Variants in THSD7B observed in about 807,000 individuals in gnomAD.
THSD7B encodes thrombospondin type 1 domain containing 7B.
THSD7B carries 138 observed loss-of-function variants against 213.6 expected under a neutral mutation model. The observed-to-expected ratio is 0.65, with a 90% CI of 0.56 to 0.74. THSD7B has a LOEUF of 0.74. Ranked by LOEUF, THSD7B falls within the 30% of genes least tolerant of loss-of-function variation. THSD7B has a pLI of 0.00. For synonymous variants in THSD7B, 742 were observed against 687.0 expected, an observed-to-expected ratio of 1.08 and a Z score of -1.25; for missense variants, 1,931 against 1,991.5, an observed-to-expected ratio of 0.97 and a Z score of 0.58.
At chr2:137,397,528 A>G (rs1686224841) in intron 12 of THSD7B, among the ~76,000 whole-genome samples, 1 of 151,762 alleles carries the variant, frequency 6.6e-6, no homozygotes, top group Admixed American at 6.6e-5. Context: ...TTCTGCCAAG[A>G]GATCCGCTGT....
chr2:137,087,052 A>G (rs1168864698), intron 3 of THSD7B, among the ~76,000 whole-genome samples: 1 of 152,202 alleles, frequency 6.6e-6, no homozygotes, highest in Non-Finnish European at 1.5e-5. Flanking sequence ...ATCCTGGGAT[A>G]TTACTCAATA....
chr2:136,877,689 G>A (rs780465086), intron 1 of THSD7B, among the ~76,000 whole-genome samples: 8 of 151,996 alleles, frequency 5.3e-5, no homozygotes, highest in Non-Finnish European at 7.4e-5. Flanking sequence ...GGAATGCCAC[G>A]AGACTCCACT....
intron 10 of THSD7B, among the ~76,000 whole-genome samples, chr2:137,264,012 G>T (rs1682517065): frequency 6.6e-6 from 1 of 152,156 alleles, no homozygotes; most frequent in Non-Finnish European, 1.5e-5. Context: ...TTTCACTTCT[G>T]CTGCACTGGG....
intron 2 of THSD7B, among the ~76,000 whole-genome samples, chr2:137,023,937 T>TTC (rs1686495459): frequency 5.3e-5 from 8 of 151,882 alleles, no homozygotes; most frequent in African/African-American, 1.9e-4. Flanking sequence ...TTTTTTTCCT[T>TTC]CTTCTTTTAC....
At chr2:136,828,114 C>T (rs1682689123) in intron 1 of THSD7B, among the ~76,000 whole-genome samples, 1 of 152,116 alleles carries the variant, frequency 6.6e-6, no homozygotes, top group Admixed American at 6.6e-5. Flanking sequence ...CCTCATTCCA[C>T]TCTTATCTGC....
chr2:136,844,353 G>T (rs559674918), intron 1 of THSD7B, among the ~76,000 whole-genome samples: 1 of 152,052 alleles, frequency 6.6e-6, no homozygotes, highest in African/African-American at 2.4e-5. Context: ...GGGCCACTTG[G>T]TGGAAGCTGG....
At chr2:137,034,580 C>T (rs1245186900) in intron 2 of THSD7B, among the ~76,000 whole-genome samples, 1 of 152,106 alleles carries the variant, frequency 6.6e-6, no homozygotes, top group Non-Finnish European at 1.5e-5. Context: ...GCTCTCCCTT[C>T]CCTTGCCCCC....
In THSD7B at chr2:137,070,986, A is replaced by C. The variant is rs12464327; in HGVS notation, c.950+13756A>C. 4.3e-3 allele frequency among the ~76,000 whole-genome samples: 649 copies of C among 152,226 alleles called. 8 individuals are homozygous for C. Among genetic ancestry groups the C allele is most frequent in the Admixed American group, 0.039 (590 of 15,288 alleles). ...GTTGTTGGACATTTAGGTTAGCTCC[A>C]AGTCTTTGTTATTGTGAATAGTGCC... On this transcript the variant is annotated intron_variant, in intron 3 of 27. Transcript: ENST00000409968.
At chr2:136,915,648 A>G (rs760870619) in intron 2 of THSD7B, among the ~76,000 whole-genome samples, 3 of 152,210 alleles carry the variant, frequency 2.0e-5, no homozygotes, top group African/African-American at 4.8e-5. Context: ...TGGTGCTGTT[A>G]GCATTTCCAT....
intron 12 of THSD7B, among the ~76,000 whole-genome samples, chr2:137,321,953 T>C (rs1173990935): frequency 6.6e-6 from 1 of 152,200 alleles, no homozygotes; most frequent in Non-Finnish European, 1.5e-5. Context: ...GTCATAATGA[T>C]TCATTGAGAC....
intron 15 of THSD7B, among the ~76,000 whole-genome samples, chr2:137,521,332 G>T (rs1481623101): frequency 1.3e-5 from 2 of 152,102 alleles, no homozygotes; most frequent in African/African-American, 2.4e-5. Flanking sequence ...AGTGGGGAGG[G>T]GGGGCTGTGA....
intron 7 of THSD7B, among the ~76,000 whole-genome samples, chr2:137,185,798 T>G (rs1680540085): frequency 6.6e-6 from 1 of 152,168 alleles, no homozygotes; most frequent in African/African-American, 2.4e-5. Flanking sequence ...TGTTTTAAGT[T>G]CTTTGGGAAA....
In THSD7B at chr2:137,572,409, T is replaced by G. The variant is rs1181675128; in HGVS notation, c.3276T>G (p.Cys1092Trp). ...GGGTQSRKIR[C>W]VNTADGEGGA... Reference sequence around the variant, plus strand: ...ATCTTGTGACCTTGCTTTACAGATGTGTGAATACTGCGGATGGTGAAGGTG... The same window carrying G: ...ATCTTGTGACCTTGCTTTACAGATGGGTGAATACTGCGGATGGTGAAGGTG... Residue 1092 changes from cysteine to tryptophan, a missense_variant, in exon 17 of 28, where the codon TGT becomes TGG. Cys to Trp is a radical substitution (Grantham distance 215). Transcript: ENST00000409968. 2 of 1,613,860 alleles carry G rather than the reference T, an allele frequency of 1.2e-6. No homozygotes were observed. Among genetic ancestry groups the G allele is most frequent in the East Asian group, 2.2e-5 (1 of 44,876 alleles).
intron 15 of THSD7B, among the ~76,000 whole-genome samples, chr2:137,560,281 A>G (rs1328692748): frequency 6.6e-6 from 1 of 152,186 alleles, no homozygotes; most frequent in East Asian, 1.9e-4. Flanking sequence ...TTGCAGCACT[A>G]CTCACAATAG....
chr2:137,569,316 C>G (rs574460498), intron 16 of THSD7B, among the ~76,000 whole-genome samples: 4 of 152,274 alleles, frequency 2.6e-5, no homozygotes, highest in Non-Finnish European at 5.9e-5. Context: ...ATGGTTTAAG[C>G]CACTAACTTT....
chr2:137,659,522 G>A (rs147749072), intron 24 of THSD7B, 142 bp from the exon 25 acceptor site: 1 of 701,816 alleles, frequency 1.4e-6, no homozygotes, highest in East Asian at 2.8e-5. Flanking sequence ...AATAGGCTTG[G>A]ACCACAATGT....
At chr2:137,064,659 T>C (rs980771658) in intron 3 of THSD7B, among the ~76,000 whole-genome samples, 1 of 152,022 alleles carries the variant, frequency 6.6e-6, no homozygotes, top group African/African-American at 2.4e-5. Flanking sequence ...GGTTTAATTC[T>C]TTAATTTTTA....
chr2:136,975,783 G>A (rs1685471009), intron 2 of THSD7B, among the ~76,000 whole-genome samples: 1 of 152,086 alleles, frequency 6.6e-6, no homozygotes, highest in South Asian at 2.1e-4. Context: ...GGGCAGTATG[G>A]CCATTTTTAT....
At chr2:137,117,099 C>A (rs562736821) in intron 5 of THSD7B, among the ~76,000 whole-genome samples, 1 of 152,144 alleles carries the variant, frequency 6.6e-6, no homozygotes, top group African/African-American at 2.4e-5. Flanking sequence ...CTGGATAACA[C>A]AGCACAGCTG....
Sources: gnomAD v4.1 joint callset for allele counts (sites outside exome capture counted in the v4.1 genomes callset) on GRCh38, gnomAD v4.1.1 for gene constraint, MANE v1.5 for transcripts, NCBI Gene and HGNC (gene_info 2026-07-23, HGNC 2026-07-21) for gene names.